ADGRG1: variants seen among roughly 807,000 people sequenced by gnomAD.
ADGRG1 encodes 7-transmembrane protein with no EGF-like N-terminal domains-1.
In ADGRG1, 53 loss-of-function variants were observed where a neutral mutation model predicts 73.5. The ratio of observed to expected loss-of-function variants is 0.72; its 90% confidence interval spans 0.58 to 0.91. ADGRG1 has a LOEUF of 0.91. Among genes scored for constraint, ADGRG1 ranks in the 40% least tolerant of loss-of-function variants. The pLI, the probability that ADGRG1 is intolerant of heterozygous loss-of-function variation, is 0.00. For missense variants in ADGRG1, 795 were observed against 871.8 expected (o/e 0.91, Z 1.11); for synonymous variants, 394 against 374.4 (o/e 1.05, Z -0.60).
chr16:57,628,183 CCGT>C, upstream of ADGRG1: 3 of 985,418 alleles, frequency 3.0e-6, no homozygotes, highest in South Asian at 1.4e-4. Flanking sequence ...GCACTGGCTC[CCGT>C]CGGCTGCCAA....
rs2048005873 is a variant in ADGRG1, at chr16:57,665,178, C to T, written c.*1596C>T. ...TGTGTGAAGAAAAAAAAAAAATCGA[C>T]TGCTGGAAACCTCATCAACCAGGGC... is the stretch of plus-strand genomic sequence containing the variant. On this transcript the variant is annotated 3_prime_UTR_variant, in exon 14 of 14. Transcript: ENST00000562631. 6.6e-6 allele frequency: 1 copy of T among 151,614 alleles called. No individual in the cohort carries two copies. Among genetic ancestry groups the T allele is most frequent in the Non-Finnish European group, 1.5e-5 (1 of 67,996 alleles). 9.4% of individuals were successfully genotyped at this position (151,614 alleles called of 1,614,324 possible).
At chr16:57,653,177 C>T (rs759104911) in intron 3 of ADGRG1, 26 bp from the exon 4 acceptor site, 200 of 1,603,772 alleles carry the variant, frequency 1.2e-4, no homozygotes, top group Middle Eastern at 8.8e-4. Context: ...GCAGCCTCGG[C>T]GGGGGCCTGT....
At chr16:57,628,063 A>AT (rs1215690658), upstream of ADGRG1, 4 of 883,890 alleles carry the variant, frequency 4.5e-6, no homozygotes, top group Non-Finnish European at 5.1e-6. Flanking sequence ...GAGACGGGTC[A>AT]CCCCCCGGGG....
chr16:57,645,488 G>A (rs2042386968), intron 1 of ADGRG1: 1 of 264,510 alleles, frequency 3.8e-6, no homozygotes, highest in Non-Finnish European at 5.9e-6. Context: ...TGCGTCACAG[G>A]GCAGGGAAGA....
At chr16:57,635,614 A>G (rs1292033209) in intron 1 of ADGRG1, 2 of 985,236 alleles carry the variant, frequency 2.0e-6, no homozygotes, top group Admixed American at 6.1e-5. Flanking sequence ...CCACGTGAGC[A>G]CAGGAGTGAG....
Position 57,655,449 on chromosome 16 carries a change from C to T in ADGRG1, c.819C>T (p.Leu273=). 2.5e-6 allele frequency: 4 copies of T among 1,613,850 alleles called. No homozygotes were observed. Among genetic ancestry groups the T allele is most frequent in the Non-Finnish European group, 3.4e-6 (4 of 1,180,012 alleles). The change falls in exon 6 of 14, where the codon CTC becomes CTT. Residue 273 remains leucine, a synonymous_variant. Transcript: ENST00000562631. The part of the protein sequence containing the change: ...MEYSVLLPRT[L]FQRTKGRSGE... ...ACTCGGTGCTGCTGCCTCGAACACT[C>T]TTCCAGAGGACGAAAGGCCGGAGCG...
chr16:57,630,573 T>A lies in ADGRG1; in HGVS notation c.-36+1771T>A. 6 of 971,822 alleles carry A rather than the reference T, an allele frequency of 6.2e-6. No individual in the cohort carries two copies. In the South Asian group the frequency reaches 2.4e-4, roughly 39 times the overall value. 60.2% of individuals were successfully genotyped at this position (971,822 alleles called of 1,614,324 possible). ...GGAGAACGCCGCTCCAGGTGTGATC[T>A]GTGACGGACAGGCTGTGTCCCGGCC... is the stretch of plus-strand genomic sequence containing the variant. On this transcript the variant is annotated intron_variant, in intron 1 of 13. Transcript: ENST00000562631.
At chr16:57,620,557 C>T (rs1477789600), upstream of ADGRG1, among the ~76,000 whole-genome samples, 2 of 152,312 alleles carry the variant, frequency 1.3e-5, no homozygotes, top group African/African-American at 2.4e-5. Context: ...CCACGGAAAC[C>T]GGTTTGGGAG....
At chr16:57,653,507 C>A (rs1412155366) in intron 4 of ADGRG1, 172 bp downstream of exon 4, 14 of 985,292 alleles carry the variant, frequency 1.4e-5, no homozygotes, top group Non-Finnish European at 1.7e-5. Flanking sequence ...CCAGGCTGAG[C>A]CCTCTCCTGT....
chr16:57,638,617 A>C (rs966386579), intron 1 of ADGRG1, among the ~76,000 whole-genome samples: 1 of 152,198 alleles, frequency 6.6e-6, no homozygotes, highest in Non-Finnish European at 1.5e-5. Context: ...GTTTTCAGAG[A>C]AATATGATGC....
At chr16:57,647,097 C>T (rs1238822979) in intron 1 of ADGRG1, 10 of 984,842 alleles carry the variant, frequency 1.0e-5, no homozygotes, top group East Asian at 1.1e-4. Flanking sequence ...GGTGTGTGTG[C>T]GTGGGGCAGA....
chr16:57,653,711 C>T, intron 4 of ADGRG1: 1 of 818,482 alleles, frequency 1.2e-6, no homozygotes, highest in Non-Finnish European at 1.5e-6. Context: ...ACAGCCCCCA[C>T]CACACCATTG....
At chr16:57,634,381 GCTC>G (rs1240023504) in intron 1 of ADGRG1, 15 of 985,320 alleles carry the variant, frequency 1.5e-5, no homozygotes, top group Non-Finnish European at 1.4e-5. Context: ...TCTGCCCACT[GCTC>G]CTCTGCTGTG....
chr16:57,633,037 C>G (rs568279367), intron 1 of ADGRG1: 375 of 803,918 alleles, frequency 4.7e-4, no homozygotes, highest in Non-Finnish European at 5.3e-4. Flanking sequence ...CCTCCTAGTA[C>G]CCCCAGCCTG....
Position 57,651,252 on chromosome 16 carries a change from C to T in ADGRG1, c.117C>T (p.Asn39=), listed in dbSNP as rs751608046. ...ACTTTCGCTTCTGCAGCCAGCGGAA[C>T]CAGACACACAGGAGCAGCCTCCACT... is the stretch of plus-strand genomic sequence containing the variant. ...REDFRFCSQR[N]QTHRSSLHYK... is the part of the protein sequence containing the mutation. Residue 39 remains asparagine (N), a synonymous_variant, in exon 3 of 14, where the codon AAC becomes AAT. Coordinates refer to ENST00000562631, the MANE Select transcript of ADGRG1 (RefSeq NM_201525.4). 4 of 1,614,200 alleles carry T rather than the reference C, an allele frequency of 2.5e-6. No homozygotes were observed. The South Asian group carries it at 3.3e-5, about 13-fold the overall frequency.
upstream of ADGRG1, chr16:57,619,952 G>A (rs1013516554): frequency 6.6e-6 from 1 of 152,404 alleles, no homozygotes; most frequent in Non-Finnish European, 1.5e-5. Context: ...AACAAGAGAG[G>A]GTGGCGGCTG....
chr16:57,636,032 G>A (rs1361231574), intron 1 of ADGRG1: 7 of 985,188 alleles, frequency 7.1e-6, no homozygotes, highest in African/African-American at 3.5e-5. Context: ...CTGCTAGATC[G>A]CAGGACCCCA....
chr16:57,632,808 C>T (rs1236091189), intron 1 of ADGRG1: 1 of 985,286 alleles, frequency 1.0e-6, no homozygotes, highest in Non-Finnish European at 1.2e-6. Flanking sequence ...GGACAGGCCT[C>T]TCTGCATTAG....
intron 1 of ADGRG1, chr16:57,637,300 G>T: frequency 2.0e-6 from 2 of 985,258 alleles, no homozygotes; most frequent in Non-Finnish European, 2.4e-6. Flanking sequence ...TTGGCTTTTG[G>T]CTCTGGGCAG....
Sources: gnomAD v4.1 joint callset for allele counts (sites outside exome capture counted in the v4.1 genomes callset) on GRCh38, gnomAD v4.1.1 for gene constraint, MANE v1.5 for transcripts, NCBI Gene and HGNC (gene_info 2026-07-23, HGNC 2026-07-21) for gene names.